The following ASTL variants were observed in gnomAD, a reference collection of about 807,000 sequenced individuals.
ASTL encodes the protein astacin like metalloendopeptidase.
In ASTL, 27 loss-of-function variants were observed where a neutral mutation model predicts 36.7. That is an observed-to-expected ratio of 0.73 (90% confidence interval 0.54 to 1.01). ASTL has a LOEUF of 1.01. Among genes scored for constraint, ASTL ranks in the 50% least tolerant of loss-of-function variants. The probability of loss-of-function intolerance (pLI) is 0.00; values close to 1 mark genes in which losing one functional copy is unlikely to be tolerated. For missense variants in ASTL, 524 were observed against 572.8 expected, an observed-to-expected ratio of 0.91 and a Z score of 0.87; for synonymous variants, 222 against 228.1, an observed-to-expected ratio of 0.97 and a Z score of 0.24.
intron 5 of ASTL, among the ~76,000 whole-genome samples, 160 bp downstream of exon 5, chr2:96,133,265 G>A (rs564777977): frequency 1.9e-4 from 29 of 152,260 alleles, no homozygotes; most frequent in South Asian, 1.0e-3. Context: ...CCCACATTCC[G>A]CCCTGGAGGT....
rs1188833133 is a variant in ASTL at position 96,129,942 on chromosome 2, T to C, written c.756A>G (p.Thr252=). ...TGTGGACACTGGGGGCCCAAAGTGGTGTGATGGTGGGCAGCCCACGCCGGC... is the reference window on the plus strand; with the variant it reads ...TGTGGACACTGGGGGCCCAAAGTGGCGTGATGGTGGGCAGCCCACGCCGGC... The part of the protein sequence containing the change: ...AFSRRGLPTI[T]PLWAPSVHIG... The change falls in exon 8 of 9, where the codon ACA becomes ACG. Residue 252 remains threonine (T), a synonymous_variant. Transcript: ENST00000342380. The C allele has an allele frequency of 1.2e-6, 2 of 1,605,264 alleles. No individual in the cohort carries two copies. The highest frequency in any genetic ancestry group is 1.7e-6 in the Non-Finnish European group (2 of 1,173,382).
chr2:96,126,612 C>A (rs2104764704), intron 8 of ASTL, among the ~76,000 whole-genome samples: 1 of 152,258 alleles, frequency 6.6e-6, no homozygotes, highest in Non-Finnish European at 1.5e-5. Flanking sequence ...AATCCCAGCA[C>A]TTTGGGAGGC....
intron 8 of ASTL, among the ~76,000 whole-genome samples, chr2:96,128,282 G>T (rs185614366): frequency 2.0e-5 from 3 of 147,440 alleles, no homozygotes; most frequent in African/African-American, 7.4e-5. Context: ...CTTTCTTTTT[G>T]GTGCCTTTGG....
chr2:96,132,828 C>T lies in ASTL; in HGVS notation c.456-107G>A. 9.8e-7 allele frequency: 1 copy of T among 1,015,382 alleles called. No homozygotes were observed. The highest frequency in any genetic ancestry group is 1.4e-6 in the Non-Finnish European group (1 of 710,556). The allele number at this position is 1,015,382 out of a possible 1,614,324, so 62.9% of individuals were successfully genotyped here. On this transcript the variant is annotated intron_variant, in intron 5 of 8. Coordinates refer to ENST00000342380, the MANE Select transcript of ASTL (RefSeq NM_001002036.4). The surrounding 1 kb of genome is among the most constrained non-coding windows in gnomAD (Gnocchi z 5.4). The stretch of plus-strand genomic sequence containing the variant: ...CAACACAAGATAGACAAACTCCCAA[C>T]AGGCAGGCCCCACTCTGGGCTCTAG...
Position 96,123,989 on chromosome 2 carries a change from G to A in ASTL, c.1157C>T (p.Ser386Phe). 2 of 1,614,050 alleles carry A rather than the reference G, an allele frequency of 1.2e-6. No individual in the cohort carries two copies. The highest frequency in any genetic ancestry group is 1.7e-6 in the Non-Finnish European group (2 of 1,179,996). ...AGAPGVAQEQ[S>F]WLAGVSTKPT... Reference sequence around the variant, plus strand: ...CTTGGTGGACACTCCGGCCAGCCAGGACTGCTCCTGAGCAACACCGGGGGC... The same window carrying A: ...CTTGGTGGACACTCCGGCCAGCCAGAACTGCTCCTGAGCAACACCGGGGGC... The change falls in exon 9 of 9, where the codon TCC (serine) becomes TTC (phenylalanine). Residue 386 changes from serine (S) to phenylalanine (F), a missense_variant. Physicochemically the swap from Ser to Phe is radical, Grantham distance 155. Coordinates refer to ENST00000342380, the MANE Select transcript of ASTL (RefSeq NM_001002036.4).
At chr2:96,136,218 C>G (rs539911525) in intron 2 of ASTL, among the ~76,000 whole-genome samples, 1 of 152,268 alleles carries the variant, frequency 6.6e-6, no homozygotes, top group Non-Finnish European at 1.5e-5. Flanking sequence ...ACAAATGACA[C>G]CGCTGACTTG....
In ASTL at chr2:96,138,381, C is replaced by T; in HGVS notation, c.55+1G>A. 6.2e-7 allele frequency: 1 copy of T among 1,608,214 alleles called. No individual in the cohort carries two copies. The highest frequency in any genetic ancestry group is 8.5e-7 in the Non-Finnish European group (1 of 1,177,148). On this transcript the variant is annotated splice_donor_variant, in intron 1 of 8. Coordinates refer to ENST00000342380, the MANE Select transcript of ASTL (RefSeq NM_001002036.4). LOFTEE classifies it high-confidence loss of function. ...GCAGGAGGGACAGGCAGCCAGCTTA[C>T]CTGGCAAGGAGAGCAGACCCAGCAC...
At position 96,137,607 on chromosome 2, in the gene ASTL, G is replaced by C. The variant is rs756432623; in HGVS notation, c.149C>G (p.Ser50Cys). ...AATTGCAGGAATGTCCTTGTCCCCG[G>C]AGGCCTGGGTTCCCTCAGGGGTGAG... ...DGLTPEGTQA[S>C]GDKDIPAINQ... The change falls in exon 2 of 9, where the codon TCC (serine) becomes TGC (cysteine). Residue 50 changes from serine (S) to cysteine (C), a missense_variant. By Grantham distance (112) the Ser-to-Cys change is moderately radical. Coordinates refer to ENST00000342380, the MANE Select transcript of ASTL (RefSeq NM_001002036.4). 1.2e-6 allele frequency: 2 copies of C among 1,613,868 alleles called. No individual in the cohort carries two copies. Among genetic ancestry groups the C allele is most frequent in the Non-Finnish European group, 1.7e-6 (2 of 1,179,912 alleles).
intron 8 of ASTL, among the ~76,000 whole-genome samples, chr2:96,128,102 C>T (rs960567031): frequency 4.1e-5 from 6 of 147,036 alleles, no homozygotes; most frequent in African/African-American, 2.5e-5. Context: ...CATGGTGGTG[C>T]GTGACTGTAA....
At chr2:96,136,309 C>G (rs1452779147) in intron 2 of ASTL, among the ~76,000 whole-genome samples, 1 of 152,268 alleles carries the variant, frequency 6.6e-6, no homozygotes, top group Non-Finnish European at 1.5e-5. Context: ...GAGTAGCCCC[C>G]GGGCATCTCT....
chr2:96,124,225 T>C lies in ASTL; in HGVS notation c.921A>G (p.Leu307=). The C allele has an allele frequency of 6.6e-7, 1 of 1,517,298 alleles. No homozygotes were observed. The highest frequency in any genetic ancestry group is 8.8e-7 in the Non-Finnish European group (1 of 1,134,574). 94.0% of individuals were successfully genotyped at this position (1,517,298 alleles called of 1,614,324 possible). A position where few individuals can be genotyped will look rare whatever the true frequency, so the allele number is the denominator to read the frequency against. The change falls in exon 9 of 9, where the codon CTA becomes CTG. Residue 307 remains leucine, a synonymous_variant. Transcript: ENST00000342380. This position sits in a 1 kb window ranked among gnomAD's most constrained non-coding sequence, Gnocchi z 4.1. ...STGRSPAPAS[L]SLQRLLEALS... is the part of the protein sequence containing the mutation. ...GTGCCTCCAAAAGCCGCTGCAGAGA[T>C]AGGGAGGCCGGAGCGGGGCTCCTAC...
intron 1 of ASTL, 133 bp downstream of exon 1, chr2:96,138,249 C>A (rs1682345583): frequency 3.5e-6 from 3 of 866,820 alleles, no homozygotes; most frequent in Non-Finnish European, 5.5e-6. Flanking sequence ...TCTAGAATAA[C>A]CCTGGAGAGC....
chr2:96,124,163 G>T lies in ASTL; in HGVS notation c.983C>A (p.Ser328Tyr). ...AESRSPDPSG[S>Y]SAGGQPVPAG... ...AGGAACGGGCTGGCCTCCCGCACTGGAACCACTGGGGTCGGGGCTCCTGGA... is the reference window on the plus strand; with the variant it reads ...AGGAACGGGCTGGCCTCCCGCACTGTAACCACTGGGGTCGGGGCTCCTGGA... The change falls in exon 9 of 9, where the codon TCC becomes TAC. Residue 328 changes from serine (S) to tyrosine (Y), a missense_variant. Coordinates refer to ENST00000342380, the MANE Select transcript of ASTL (RefSeq NM_001002036.4). This position sits in a 1 kb window ranked among gnomAD's most constrained non-coding sequence, Gnocchi z 4.1. 1 of 1,553,674 alleles carries T rather than the reference G, an allele frequency of 6.4e-7. No individual in the cohort carries two copies. Among genetic ancestry groups the T allele is most frequent in the Non-Finnish European group, 8.7e-7 (1 of 1,150,906 alleles).
chr2:96,136,683 G>A (rs1481252460), intron 2 of ASTL, among the ~76,000 whole-genome samples: 2 of 152,190 alleles, frequency 1.3e-5, no homozygotes, highest in African/African-American at 2.4e-5. Context: ...CCCACCCTTA[G>A]GGCAAGGTTG....
chr2:96,131,222 G>A (rs761203156), intron 6 of ASTL, among the ~76,000 whole-genome samples: 9 of 152,136 alleles, frequency 5.9e-5, no homozygotes, highest in East Asian at 3.8e-4. Flanking sequence ...TTACTGATAC[G>A]TAAGTCTACA....
chr2:96,129,430 TG>T (rs1435173417), intron 8 of ASTL, among the ~76,000 whole-genome samples: 1 of 152,238 alleles, frequency 6.6e-6, no homozygotes, highest in Non-Finnish European at 1.5e-5. Flanking sequence ...ACGATTTTTT[TG>T]CTTCCTTTCC....
chr2:96,135,254 T>G (rs1477094407), intron 3 of ASTL, 97 bp downstream of exon 3: 5 of 966,980 alleles, frequency 5.2e-6, no homozygotes, highest in Non-Finnish European at 8.2e-6. Flanking sequence ...TGTATGTCCC[T>G]CACACATCAG....
At chr2:96,129,132 A>C (rs1185353940) in intron 8 of ASTL, among the ~76,000 whole-genome samples, 1 of 152,152 alleles carries the variant, frequency 6.6e-6, no homozygotes, top group East Asian at 1.9e-4. Context: ...CTGAATTTTT[A>C]TAACATTGCC....
chr2:96,129,779 GGC>G (rs774205437), intron 8 of ASTL, 43 bp downstream of exon 8: 3 of 1,503,958 alleles, frequency 2.0e-6, no homozygotes, highest in South Asian at 1.4e-5. Flanking sequence ...TTAGAGCACA[GGC>G]GCCTTCTCCA....
Sources: allele counts gnomAD v4.1 joint callset (sites outside exome capture counted in the v4.1 genomes callset), GRCh38; gene constraint gnomAD v4.1.1; non-coding constraint Gnocchi (gnomAD v3.1); transcripts MANE v1.5; gene names NCBI Gene and HGNC (gene_info 2026-07-23, HGNC 2026-07-21).